Variants in EDARADD observed in about 807,000 individuals in gnomAD.
EDARADD encodes EDAR associated via death domain.
EDARADD carries 20 observed loss-of-function variants against 25.6 expected under a neutral mutation model. The observed-to-expected ratio is 0.78, with a 90% CI of 0.55 to 1.14. The LOEUF is 1.14. Among genes scored for constraint, EDARADD ranks in the 50% most tolerant of loss-of-function variants. The probability of loss-of-function intolerance (pLI) is 0.00; values close to 1 mark genes in which losing one functional copy is unlikely to be tolerated. For missense variants in EDARADD, 225 were observed against 270.1 expected (o/e 0.83, Z 1.17); for synonymous variants, 86 against 94.4 (o/e 0.91, Z 0.52).
intron 3 of EDARADD, among the ~76,000 whole-genome samples, chr1:236,353,600 C>T (rs1389815522): frequency 1.3e-5 from 2 of 150,038 alleles, no homozygotes; most frequent in African/African-American, 2.5e-5. Context: ...ATTACTTGAA[C>T]CCGGGAGGCG....
chr1:236,442,393 T>C (rs574286021), intron 4 of EDARADD, among the ~76,000 whole-genome samples: 50 of 152,356 alleles, frequency 3.3e-4, no homozygotes, highest in African/African-American at 1.1e-3. Flanking sequence ...CCCAAAGTGC[T>C]GGGATTACAG....
chr1:236,377,674 A>G (rs1175169295), intron 3 of EDARADD, among the ~76,000 whole-genome samples: 1 of 151,324 alleles, frequency 6.6e-6, no homozygotes, highest in Non-Finnish European at 1.5e-5. Context: ...CCTGGCCAAC[A>G]TGGTGAAACC....
chr1:236,440,767 C>A (rs770834938), intron 4 of EDARADD, among the ~76,000 whole-genome samples: 6 of 152,020 alleles, frequency 3.9e-5, no homozygotes, highest in Non-Finnish European at 8.8e-5. Flanking sequence ...TGTTTTGGGG[C>A]ACCATGAACT....
chr1:236,480,710 T>A (rs1274512476), intron 5 of EDARADD, among the ~76,000 whole-genome samples: 1 of 152,194 alleles, frequency 6.6e-6, no homozygotes, highest in Non-Finnish European at 1.5e-5. Flanking sequence ...TGAGACTCAG[T>A]GTTGTTGTAG....
chr1:236,417,397 A>C (rs1050566907), intron 3 of EDARADD, among the ~76,000 whole-genome samples: 2 of 152,250 alleles, frequency 1.3e-5, no homozygotes, highest in African/African-American at 4.8e-5. Context: ...AACAGTGGCC[A>C]GAATAGATTG....
intron 2 of EDARADD, among the ~76,000 whole-genome samples, chr1:236,412,545 C>T (rs1031742656): frequency 6.6e-6 from 1 of 152,196 alleles, no homozygotes; most frequent in Non-Finnish European, 1.5e-5. Context: ...CCGCCTTCCT[C>T]TGTCCACCTC....
At chr1:236,447,169 CCTCTTTCTTTCT>C (rs1658568808) in intron 4 of EDARADD, among the ~76,000 whole-genome samples, 1 of 98,776 alleles carries the variant, frequency 1.0e-5, no homozygotes, top group African/African-American at 4.5e-5. Flanking sequence ...TCCCTCCCTC[CCTCTTTCTTTCT>C]TTCTTTCTTT....
intron 3 of EDARADD, among the ~76,000 whole-genome samples, chr1:236,354,624 G>A (rs1193726334): frequency 1.3e-5 from 2 of 152,182 alleles, no homozygotes; most frequent in Non-Finnish European, 2.9e-5. Flanking sequence ...GAATTATCAG[G>A]CAAATTGTCA....
At chr1:236,364,744 T>C (rs898403763) in intron 3 of EDARADD, among the ~76,000 whole-genome samples, 1 of 152,240 alleles carries the variant, frequency 6.6e-6, no homozygotes, top group Admixed American at 6.5e-5. Context: ...GATTTTGTGC[T>C]CTGCAAACTT....
intron 3 of EDARADD, among the ~76,000 whole-genome samples, chr1:236,417,428 A>G (rs143171199): frequency 4.2e-4 from 64 of 152,374 alleles, no homozygotes; most frequent in African/African-American, 1.3e-3. Context: ...ATGTGGTTTT[A>G]ATAATCAGCT....
At chr1:236,429,205 C>CGGGAGCGGGAGA (rs1658027015) in intron 4 of EDARADD, among the ~76,000 whole-genome samples, 4 of 137,638 alleles carry the variant, frequency 2.9e-5, no homozygotes, top group Non-Finnish European at 6.2e-5. Context: ...GGAGCGGGAG[C>CGGGAGCGGGAGA]GGGAGAGGGA....
intron 3 of EDARADD, among the ~76,000 whole-genome samples, chr1:236,360,643 T>C (rs899468143): frequency 6.7e-6 from 1 of 148,474 alleles, no homozygotes. Flanking sequence ...CCTCCCAGGC[T>C]CAAGTGCCAC....
intron 4 of EDARADD, among the ~76,000 whole-genome samples, chr1:236,432,633 C>T (rs1658128243): frequency 6.6e-6 from 1 of 151,884 alleles, no homozygotes; most frequent in African/African-American, 2.4e-5. Context: ...GCCTGTAATC[C>T]CAGCACTTTG....
chr1:236,389,230 A>G (rs4659660), intron 3 of EDARADD, among the ~76,000 whole-genome samples: 131,521 of 152,158 alleles, frequency 0.86, 56,971 homozygotes, highest in Middle Eastern at 0.95. Flanking sequence ...TCCCGAGGCT[A>G]CAGGAGGATA....
chr1:236,471,291 C>T (rs555667820), intron 5 of EDARADD, among the ~76,000 whole-genome samples: 6 of 152,262 alleles, frequency 3.9e-5, no homozygotes, highest in African/African-American at 1.4e-4. Context: ...GCCCTTGGGT[C>T]AGTTTCTTAG....
At chr1:236,438,687 T>C (rs1402229824) in intron 4 of EDARADD, among the ~76,000 whole-genome samples, 1 of 152,144 alleles carries the variant, frequency 6.6e-6, no homozygotes, top group Non-Finnish European at 1.5e-5. Flanking sequence ...ACGCTTTACG[T>C]TTTTGGAGAA....
chr1:236,349,119 G>C (rs368250174), intron 2 of EDARADD, among the ~76,000 whole-genome samples: 15 of 152,076 alleles, frequency 9.9e-5, no homozygotes, highest in African/African-American at 3.1e-4. Context: ...GGGCTCAAGT[G>C]ATCCTCCTGC....
intron 4 of EDARADD, among the ~76,000 whole-genome samples, chr1:236,451,037 G>A (rs996216516): frequency 1.3e-5 from 2 of 152,140 alleles, no homozygotes; most frequent in Admixed American, 6.5e-5. Flanking sequence ...CATATGGGCA[G>A]TGCACGCCCA....
chr1:236,360,269 A>G (rs1049312249), intron 3 of EDARADD, among the ~76,000 whole-genome samples: 1 of 152,106 alleles, frequency 6.6e-6, no homozygotes, highest in Non-Finnish European at 1.5e-5. Context: ...TTAGTTAGCC[A>G]TGATTGAGCC....
Sources: allele counts gnomAD v4.1 joint callset (sites outside exome capture counted in the v4.1 genomes callset), GRCh38; gene constraint gnomAD v4.1.1; transcripts MANE v1.5; gene names NCBI Gene and HGNC (gene_info 2026-07-23, HGNC 2026-07-21).